The following IFNGR1 variants were observed in gnomAD, a reference collection of about 807,000 sequenced individuals.
The protein encoded by IFNGR1 is interferon gamma receptor 1.
In IFNGR1, 23 loss-of-function variants were observed where a neutral mutation model predicts 35.4. The observed-to-expected ratio is 0.65, with a 90% CI of 0.47 to 0.92. The LOEUF (loss-of-function observed/expected upper bound fraction) is 0.92. IFNGR1 is among the 40% of genes least tolerant of loss of function. The pLI is 0.00. For synonymous variants in IFNGR1, 199 were observed against 209.5 expected (o/e 0.95, Z 0.43); for missense variants, 533 against 583.4 (o/e 0.91, Z 0.89).
chr6:137,217,394 T>C (rs557486484), intron 1 of IFNGR1, among the ~76,000 whole-genome samples: 1 of 152,330 alleles, frequency 6.6e-6, no homozygotes, highest in Non-Finnish European at 1.5e-5. Context: ...GCTCAACACC[T>C]GTACTTCAGG....
intron 1 of IFNGR1, among the ~76,000 whole-genome samples, chr6:137,212,265 C>T (rs1779593464): frequency 6.6e-6 from 1 of 152,142 alleles, no homozygotes. Flanking sequence ...AAGCTCCACT[C>T]CCCTCCTTTT....
chr6:137,202,293 C>CT (rs1779295504), intron 5 of IFNGR1, among the ~76,000 whole-genome samples: 1 of 152,238 alleles, frequency 6.6e-6, no homozygotes, highest in African/African-American at 2.4e-5. Context: ...TGTGGCCATA[C>CT]TATCAGTGCA....
intron 4 of IFNGR1, 54 bp downstream of exon 4, chr6:137,204,275 GAAC>G (rs1779371752): frequency 6.3e-6 from 9 of 1,418,394 alleles, no homozygotes; most frequent in Non-Finnish European, 9.0e-6. Flanking sequence ...CTACAGAAAG[GAAC>G]AACTTTTGCT....
Position 137,200,946 on chromosome 6 carries a change from T to A in IFNGR1, c.796A>T (p.Ile266Phe). Residue 266 changes from isoleucine to phenylalanine, a missense_variant, in exon 6 of 7, where the codon ATC (isoleucine) becomes TTC (phenylalanine). Coordinates refer to ENST00000367739, the MANE Select transcript of IFNGR1 (RefSeq NM_000416.3). ...TTAATTTTCTTAATATAAAAACAGA[T>A]GAATACCAGGCTAAGCACTAGAAAG... ...LLFLVLSLVF[I>F]CFYIKKINPL... 1 of 1,611,474 alleles carries A rather than the reference T, an allele frequency of 6.2e-7. No individual in the cohort carries two copies. The highest frequency in any genetic ancestry group is 8.5e-7 in the Non-Finnish European group (1 of 1,177,810).
At chr6:137,211,218 C>T (rs1272500810) in intron 1 of IFNGR1, among the ~76,000 whole-genome samples, 2 of 151,760 alleles carry the variant, frequency 1.3e-5, no homozygotes, top group South Asian at 2.1e-4. Context: ...ATAATATAGC[C>T]CCAAATGCCA....
At chr6:137,209,198 G>C (rs1386816728) in intron 1 of IFNGR1, among the ~76,000 whole-genome samples, 1 of 152,186 alleles carries the variant, frequency 6.6e-6, no homozygotes, top group Non-Finnish European at 1.5e-5. Context: ...GCTTGCTTTT[G>C]ATTTTACAGG....
In IFNGR1 at chr6:137,198,503, C is replaced by T. The variant is rs1235538583; in HGVS notation, c.998G>A (p.Gly333Asp). The T allele has an allele frequency of 6.2e-7, 1 of 1,614,046 alleles. No homozygotes were observed. Among genetic ancestry groups the T allele is most frequent in the South Asian group, 1.1e-5 (1 of 91,066 alleles). The stretch of plus-strand genomic sequence containing the variant: ...TCCTGGATTGTCTTCGGTATGCATG[C>T]CTGGAACTGTTGCTGGAGACAACGG... ...EEPLSPATVP[G>D]MHTEDNPGKV... The change falls in exon 7 of 7, where the codon GGC (glycine) becomes GAC (aspartate). Residue 333 changes from glycine to aspartate, a missense_variant. Physicochemically the swap from Gly to Asp is moderately conservative, Grantham distance 94. Coordinates refer to ENST00000367739, the MANE Select transcript of IFNGR1 (RefSeq NM_000416.3).
chr6:137,208,426 C>T (rs1464357787), intron 1 of IFNGR1, among the ~76,000 whole-genome samples: 4 of 152,226 alleles, frequency 2.6e-5, no homozygotes, highest in South Asian at 4.1e-4. Context: ...CAGCGCTTCC[C>T]ATCACAGGCC....
chr6:137,197,842 AAG>A lies in IFNGR1; in HGVS notation c.*187_*188del. The A allele has an allele frequency of 1.6e-6, 1 of 644,936 alleles. No homozygotes were observed. The highest frequency in any genetic ancestry group is 2.6e-6 in the Non-Finnish European group (1 of 391,436). The allele number at this position is 644,936 out of a possible 1,614,324, so 40.0% of individuals were successfully genotyped here. A position where few individuals can be genotyped will look rare whatever the true frequency, so the allele number is the denominator to read the frequency against. On this transcript the variant is annotated 3_prime_UTR_variant, in exon 7 of 7. Coordinates refer to ENST00000367739, the MANE Select transcript of IFNGR1 (RefSeq NM_000416.3). Reference sequence around the variant, plus strand: ...GCTTTTTTTGTTTAAAAAAAAAAAAAAGTCTGTACTTTACAAGCCAAAAGTGA... The same window carrying A: ...GCTTTTTTTGTTTAAAAAAAAAAAAATCTGTACTTTACAAGCCAAAAGTGA...
At chr6:137,199,556 A>AATATATAATTTATAATATATT (rs1779224946) in intron 6 of IFNGR1, among the ~76,000 whole-genome samples, 1 of 80,058 alleles carries the variant, frequency 1.2e-5, no homozygotes, top group Non-Finnish European at 2.4e-5. Flanking sequence ...TATAACATAT[A>AATATATAATTTATAATATATT]AAATATATAT....
In IFNGR1 at chr6:137,209,631, C is replaced by T. The variant is rs543090172; in HGVS notation, c.86-2554G>A. On this transcript the variant is annotated intron_variant, in intron 1 of 6. Coordinates refer to ENST00000367739, the MANE Select transcript of IFNGR1 (RefSeq NM_000416.3). ...CCTTGCTGTGATTCTGAGGCCTCCCCAGCCATGTGGAACTGTAAGTCCAAT... is the reference window on the plus strand; with the variant it reads ...CCTTGCTGTGATTCTGAGGCCTCCCTAGCCATGTGGAACTGTAAGTCCAAT... Among the ~76,000 whole-genome samples the T allele has an allele frequency of 4.7e-4, 72 of 152,302 alleles. 1 individual carries two copies. In the South Asian group the frequency reaches 5.6e-3, roughly 12 times the overall value.
At chr6:137,217,410 C>T (rs1461481940) in intron 1 of IFNGR1, among the ~76,000 whole-genome samples, 2 of 152,202 alleles carry the variant, frequency 1.3e-5, no homozygotes, top group Admixed American at 6.5e-5. Context: ...TCAGGCACGC[C>T]ATTCCGCTTC....
At chr6:137,204,602 T>C in intron 3 of IFNGR1, 98 bp from the exon 4 acceptor site, 1 of 1,024,798 alleles carries the variant, frequency 9.8e-7, no homozygotes, top group Admixed American at 1.9e-5. Context: ...ACCTATTGTT[T>C]TTGTTCTGGT....
At chr6:137,204,628 C>A (rs1272772108) in intron 3 of IFNGR1, 124 bp from the exon 4 acceptor site, 1 of 820,272 alleles carries the variant, frequency 1.2e-6, no homozygotes, top group East Asian at 2.6e-5. Context: ...TAAAGCAGGA[C>A]CACATTTAAA....
chr6:137,215,378 C>T, intron 1 of IFNGR1: 1 of 1,510,618 alleles, frequency 6.6e-7, no homozygotes, highest in Non-Finnish European at 8.9e-7. Context: ...ATTATGGCCA[C>T]TGCAAAAGTT....
chr6:137,217,083 G>A (rs984771723), intron 1 of IFNGR1, among the ~76,000 whole-genome samples: 1 of 152,168 alleles, frequency 6.6e-6, no homozygotes, highest in Non-Finnish European at 1.5e-5. Context: ...CTATGCCTGC[G>A]CTAGCGTTAT....
In IFNGR1 at chr6:137,218,597, C is replaced by CA; in HGVS notation, c.85+645_85+646insT. 16 of 813,698 alleles carry CA rather than the reference C, an allele frequency of 2.0e-5. No homozygotes were observed. In the South Asian group the frequency reaches 2.2e-4, roughly 11 times the overall value. 50.4% of individuals were successfully genotyped at this position (813,698 alleles called of 1,614,324 possible). A position where few individuals can be genotyped will look rare whatever the true frequency, so the allele number is the denominator to read the frequency against. ...ACCCTAAGCACTTTGAGTCCCCCCC[C>CA]CCACCCCCGCTAAGAAAGAAGTATT... On this transcript the variant is annotated intron_variant, in intron 1 of 6. Transcript: ENST00000367739.
intron 3 of IFNGR1, among the ~76,000 whole-genome samples, chr6:137,205,300 C>T (rs1464172255): frequency 6.6e-6 from 1 of 152,092 alleles, no homozygotes; most frequent in African/African-American, 2.4e-5. Context: ...GAAAGGGACC[C>T]AAGGGCTAGA....
At position 137,204,470 on chromosome 6, in the gene IFNGR1, C is replaced by T. The variant is rs1441248949; in HGVS notation, c.408G>A (p.Lys136=). ...TGTCAATCATGATTTGCTTCTCCTC[C>T]TTTCTGATATCCAGTTTAGGTGGTC... is the stretch of plus-strand genomic sequence containing the variant. ...KIGPPKLDIR[K]EEKQIMIDIF... is the part of the protein sequence containing the mutation. Residue 136 remains lysine, a synonymous_variant, in exon 4 of 7, where the codon AAG becomes AAA. Transcript: ENST00000367739. The T allele has an allele frequency of 6.2e-7, 1 of 1,613,946 alleles. No homozygotes were observed. Among genetic ancestry groups the T allele is most frequent in the Non-Finnish European group, 8.5e-7 (1 of 1,179,838 alleles).
Sources: allele counts gnomAD v4.1 joint callset (sites outside exome capture counted in the v4.1 genomes callset), GRCh38; gene constraint gnomAD v4.1.1; transcripts MANE v1.5; gene names NCBI Gene and HGNC (gene_info 2026-07-23, HGNC 2026-07-21).